Variants in DENND5B observed in about 807,000 individuals in gnomAD.
DENND5B encodes the protein DENN domain-containing protein 5B.
DENND5B carries 34 observed loss-of-function variants against 140.6 expected under a neutral mutation model. The observed-to-expected ratio is 0.24, with a 90% CI of 0.18 to 0.32. The LOEUF is 0.32. Among genes scored for constraint, DENND5B ranks in the 10% least tolerant of loss-of-function variants. DENND5B has a pLI of 1.00. For missense variants in DENND5B, 1,142 were observed against 1,560.2 expected, an observed-to-expected ratio of 0.73 and a Z score of 4.52; for synonymous variants, 551 against 562.1, an observed-to-expected ratio of 0.98 and a Z score of 0.28.
chr12:31,578,614 G>A (rs1235988090), intron 1 of DENND5B, among the ~76,000 whole-genome samples: 1 of 152,176 alleles, frequency 6.6e-6, no homozygotes, highest in Non-Finnish European at 1.5e-5. Flanking sequence ...TCATTAGAGG[G>A]AAGACCTTGA....
Position 31,387,268 on chromosome 12 carries a change from TC to T in DENND5B, c.*334del, listed in dbSNP as rs1940894908. The stretch of plus-strand genomic sequence containing the variant: ...CTGGCTTCTTCCTGGCTAGCACCAC[TC>T]TTCCCCCCAACCCCCAACATTTTTA... On this transcript the variant is annotated 3_prime_UTR_variant, in exon 21 of 21. Transcript: ENST00000389082. The T allele has an allele frequency of 1.6e-5, 3 of 183,306 alleles. No homozygotes were observed. The highest frequency in any genetic ancestry group is 3.4e-5 in the Non-Finnish European group (3 of 87,872). 11.4% of individuals were successfully genotyped at this position (183,306 alleles called of 1,614,324 possible). A position where few individuals can be genotyped will look rare whatever the true frequency, so the allele number is the denominator to read the frequency against.
At chr12:31,463,405 T>A (rs936307960) in intron 3 of DENND5B, among the ~76,000 whole-genome samples, 4 of 152,248 alleles carry the variant, frequency 2.6e-5, no homozygotes, top group Non-Finnish European at 5.9e-5. Flanking sequence ...GGCCATCATT[T>A]CAACCAAGGA....
intron 20 of DENND5B, 56 bp downstream of exon 20, chr12:31,389,268 T>C (rs1941004782): frequency 6.5e-7 from 1 of 1,528,368 alleles, no homozygotes; most frequent in Non-Finnish European, 8.9e-7. Context: ...TAACCTTTTC[T>C]GGACTCTAGT....
intron 2 of DENND5B, among the ~76,000 whole-genome samples, chr12:31,483,048 C>T (rs1424054200): frequency 6.6e-6 from 1 of 152,246 alleles, no homozygotes; most frequent in Non-Finnish European, 1.5e-5. Context: ...ACACACCCCG[C>T]GTGCTCCCAT....
At chr12:31,411,115 C>T (rs555692016) in intron 13 of DENND5B, among the ~76,000 whole-genome samples, 2 of 151,528 alleles carry the variant, frequency 1.3e-5, no homozygotes, top group South Asian at 2.1e-4. Context: ...CTTGGCTCAC[C>T]GCAACCTCTC....
At chr12:31,556,906 C>T (rs1259716202) in intron 1 of DENND5B, among the ~76,000 whole-genome samples, 1 of 152,094 alleles carries the variant, frequency 6.6e-6, no homozygotes, top group Non-Finnish European at 1.5e-5. Context: ...TTGAAGGAAT[C>T]ATTAAAAATG....
At chr12:31,577,619 G>A (rs1950059786) in intron 1 of DENND5B, among the ~76,000 whole-genome samples, 1 of 147,572 alleles carries the variant, frequency 6.8e-6, no homozygotes, top group Non-Finnish European at 1.5e-5. Context: ...GCTGAGACAG[G>A]AGAACGGCGT....
At chr12:31,418,194 C>G (rs118187337) in intron 11 of DENND5B, among the ~76,000 whole-genome samples, 3,100 of 151,918 alleles carry the variant, frequency 0.02, 53 homozygotes, top group South Asian at 0.054. Context: ...TCTTGACACC[C>G]AAGAGGTAAT....
intron 1 of DENND5B, among the ~76,000 whole-genome samples, chr12:31,528,592 A>G (rs1948168203): frequency 6.6e-6 from 1 of 152,212 alleles, no homozygotes. Context: ...AGGCAATAAT[A>G]CGAACAGACC....
intron 1 of DENND5B, among the ~76,000 whole-genome samples, chr12:31,498,654 T>C (rs1342044413): frequency 1.3e-5 from 2 of 152,088 alleles, no homozygotes; most frequent in Non-Finnish European, 2.9e-5. Context: ...ACTAACTATG[T>C]AGAAATTCTG....
At chr12:31,421,137 A>C (rs1242177222) in intron 11 of DENND5B, among the ~76,000 whole-genome samples, 1 of 152,118 alleles carries the variant, frequency 6.6e-6, no homozygotes, top group African/African-American at 2.4e-5. Flanking sequence ...TCCATCTTCC[A>C]GGTTCAAGCG....
intron 9 of DENND5B, among the ~76,000 whole-genome samples, chr12:31,424,970 T>C (rs1267970392): frequency 1.3e-5 from 2 of 152,200 alleles, no homozygotes; most frequent in Admixed American, 6.5e-5. Context: ...ACAACAGTTG[T>C]CAAATTATTA....
At chr12:31,439,527 GTTGTT>G (rs1288632134) in intron 7 of DENND5B, among the ~76,000 whole-genome samples, 5 of 150,914 alleles carry the variant, frequency 3.3e-5, no homozygotes, top group Middle Eastern at 3.2e-3. Flanking sequence ...AGAGATTTTT[GTTGTT>G]TTGTTCATTA....
intron 1 of DENND5B, among the ~76,000 whole-genome samples, chr12:31,569,020 G>A (rs925535621): frequency 1.3e-5 from 2 of 150,146 alleles, no homozygotes; most frequent in African/African-American, 4.9e-5. Flanking sequence ...AGGTAGCTAG[G>A]GTTACAGGTA....
At chr12:31,555,206 T>C (rs982578561) in intron 1 of DENND5B, among the ~76,000 whole-genome samples, 2 of 152,210 alleles carry the variant, frequency 1.3e-5, no homozygotes, top group Admixed American at 1.3e-4. Context: ...TGGACTTTGA[T>C]GATGGTGACG....
Position 31,387,734 on chromosome 12 carries a change from T to A in DENND5B, c.3694A>T (p.Thr1232Ser), listed in dbSNP as rs763250019. 1 of 1,613,928 alleles carries A rather than the reference T, an allele frequency of 6.2e-7. No individual in the cohort carries two copies. Residue 1232 changes from threonine (T) to serine (S), a missense_variant, in exon 21 of 21, where the codon ACT becomes TCT. By Grantham distance (58) the Thr-to-Ser change is moderately conservative (BLOSUM62 1). Around this residue, in one of 5 missense-constraint regions of DENND5B, gnomAD observed 125 missense variants for 179.0 expected, o/e 0.70. Coordinates refer to ENST00000389082, the MANE Select transcript of DENND5B (RefSeq NM_144973.4). ...IPLLAECPAI[T>S]RMYEESALLR... ...AGAGCGCTCTCTTCATACATTCGAGTGATGGCAGGACACTCAGCTAACAAT... is the reference window on the plus strand; with the variant it reads ...AGAGCGCTCTCTTCATACATTCGAGAGATGGCAGGACACTCAGCTAACAAT...
intron 3 of DENND5B, among the ~76,000 whole-genome samples, chr12:31,471,292 A>T (rs963271083): frequency 6.6e-6 from 1 of 152,076 alleles, no homozygotes; most frequent in African/African-American, 2.4e-5. Flanking sequence ...CAGAGATCTT[A>T]GAGACACTCT....
At chr12:31,501,252 G>C (rs1319695939) in intron 1 of DENND5B, among the ~76,000 whole-genome samples, 1 of 152,104 alleles carries the variant, frequency 6.6e-6, no homozygotes, top group Non-Finnish European at 1.5e-5. Flanking sequence ...GGTTTTATAA[G>C]GGGCTTTCCC....
At chr12:31,440,170 T>C (rs1943970550) in intron 7 of DENND5B, among the ~76,000 whole-genome samples, 1 of 152,132 alleles carries the variant, frequency 6.6e-6, no homozygotes, top group African/African-American at 2.4e-5. Context: ...CAGTATCTAT[T>C]AGCACATTTT....
Sources: gnomAD v4.1 joint callset for allele counts (sites outside exome capture counted in the v4.1 genomes callset) on GRCh38, gnomAD v4.1.1 for gene constraint, gnomAD v4.1.1 regional missense constraint, MANE v1.5 for transcripts, NCBI Gene and HGNC (gene_info 2026-07-23, HGNC 2026-07-21) for gene names.